Variants in MORC4 observed in about 807,000 individuals in gnomAD.
The protein encoded by MORC4 is MORC family CW-type zinc finger protein 4.
A neutral mutation model predicts 65.5 loss-of-function variants in MORC4; 22 were observed. That is an observed-to-expected ratio of 0.34 (90% CI 0.24 to 0.48). MORC4 has a LOEUF of 0.48. MORC4 is among the 20% of genes least tolerant of loss of function. MORC4 has a pLI of 0.99. For missense variants in MORC4, 624 were observed against 703.0 expected (o/e 0.89, Z 1.27); for synonymous variants, 267 against 255.8 (o/e 1.04, Z -0.42).
chrX:106,947,757 T>C (rs993959509), intron 14 of MORC4, among the ~76,000 whole-genome samples: 1 of 105,116 alleles, frequency 9.5e-6, no homozygotes, highest in African/African-American at 3.5e-5. Context: ...TTCATAATGA[T>C]AAAGTCCATC....
At chrX:106,974,775 T>C (rs148888257) in intron 9 of MORC4, among the ~76,000 whole-genome samples, 169 of 111,776 alleles carry the variant, frequency 1.5e-3, no homozygotes, top group African/African-American at 5.2e-3. Context: ...AGGATGAGTT[T>C]GTTATAGCAG....
intron 14 of MORC4, among the ~76,000 whole-genome samples, chrX:106,951,925 G>A (rs1933978368): frequency 1.0e-5 from 1 of 100,081 alleles, no homozygotes; most frequent in South Asian, 5.1e-4. Flanking sequence ...GAACTCGGGA[G>A]GTGGAGGTTG....
rs369317620 is a variant in MORC4, at chrX:106,973,825, A to T, written c.1157+2759T>A. On this transcript the variant is annotated intron_variant, in intron 9 of 16. Transcript: ENST00000355610. ...TGGCAGCCTCTATAAGCTGGAAAAG[A>T]CAGGAAAATGGATTATTCCCTAGAG... is the stretch of plus-strand genomic sequence containing the variant. Among the ~76,000 whole-genome samples, 40 of 111,744 alleles carry T rather than the reference A, an allele frequency of 3.6e-4. 2 individuals carry two copies. The highest frequency in any genetic ancestry group is 2.5e-3 in the Admixed American group (26 of 10,516).
At chrX:106,965,008 C>CA (rs35150290) in intron 9 of MORC4, among the ~76,000 whole-genome samples, 125 of 75,045 alleles carry the variant, frequency 1.7e-3, no homozygotes, top group Admixed American at 2.5e-3. Context: ...AACTCCATGT[C>CA]AAAAAAAAAA....
At chrX:106,964,632 G>A (rs953416763) in intron 9 of MORC4, among the ~76,000 whole-genome samples, 1 of 111,732 alleles carries the variant, frequency 8.9e-6, no homozygotes, top group African/African-American at 3.3e-5. Flanking sequence ...CACCAAGAGA[G>A]AAACAACATA....
intron 10 of MORC4, among the ~76,000 whole-genome samples, chrX:106,960,625 G>C (rs1055239562): frequency 8.9e-6 from 1 of 112,066 alleles, no homozygotes; most frequent in Admixed American, 9.5e-5. Flanking sequence ...ACTTAGAACA[G>C]TGCCTGACAT....
Position 106,980,877 on chromosome X carries a change from A to C in MORC4, c.936+14T>G. The stretch of plus-strand genomic sequence containing the variant: ...AGAGGTCAACTTCATGTAGTGGTAC[A>C]CTTGTAAGGATACTGTGAAGGTAGG... On this transcript the variant is annotated intron_variant, in intron 7 of 16. Transcript: ENST00000355610. 2 of 1,199,213 alleles carry C rather than the reference A, an allele frequency of 1.7e-6. No homozygotes were observed. The highest frequency in any genetic ancestry group is 3.5e-5 in the African/African-American group (2 of 57,594).
intron 10 of MORC4, among the ~76,000 whole-genome samples, chrX:106,961,429 T>C (rs1934240596): frequency 8.9e-6 from 1 of 112,247 alleles, no homozygotes; most frequent in Admixed American, 9.4e-5. Context: ...AAGCAATTAG[T>C]ACCTGTGAGT....
intron 10 of MORC4, among the ~76,000 whole-genome samples, chrX:106,959,607 A>G (rs1386702948): frequency 9.0e-6 from 1 of 111,383 alleles, no homozygotes; most frequent in East Asian, 2.8e-4. Context: ...GCACAATTTC[A>G]GTTCACTACA....
intron 9 of MORC4, among the ~76,000 whole-genome samples, chrX:106,974,151 G>C (rs1361286140): frequency 2.7e-5 from 3 of 111,648 alleles, no homozygotes; most frequent in African/African-American, 9.8e-5. Flanking sequence ...CAGCAAACTG[G>C]AGCCAAATCC....
chrX:106,944,841 T>A (rs889496529), intron 14 of MORC4, among the ~76,000 whole-genome samples: 5 of 111,568 alleles, frequency 4.5e-5, no homozygotes, highest in African/African-American at 1.6e-4. Flanking sequence ...AAGTTCAAGC[T>A]CCCACTACCT....
intron 14 of MORC4, among the ~76,000 whole-genome samples, chrX:106,945,148 TG>T (rs750490067): frequency 1.8e-5 from 2 of 111,258 alleles, no homozygotes; most frequent in East Asian, 5.7e-4. Flanking sequence ...ATGAGGCAGG[TG>T]GGATTATTAT....
At chrX:106,992,253 C>T (rs1157123306) in intron 3 of MORC4, among the ~76,000 whole-genome samples, 1 of 112,334 alleles carries the variant, frequency 8.9e-6, no homozygotes, top group African/African-American at 3.2e-5. Context: ...AAAGGGATTT[C>T]CCTACAAACA....
rs138934200 is a variant in MORC4 at position 106,978,000 on chromosome X, G to A, written c.1056+80C>T. ...TAAGATGGGAGTAAAAGCCATTAATGAGCCTATCCCCTTTGCAAATTTTAA... is the reference window on the plus strand; with the variant it reads ...TAAGATGGGAGTAAAAGCCATTAATAAGCCTATCCCCTTTGCAAATTTTAA... On this transcript the variant is annotated intron_variant, in intron 8 of 16. Coordinates refer to ENST00000355610, the MANE Select transcript of MORC4 (RefSeq NM_024657.5). 1.2e-4 allele frequency: 124 copies of A among 1,051,015 alleles called. 1 individual carries two copies. In the East Asian group the frequency reaches 3.9e-3, roughly 33 times the overall value. The allele number at this position is 1,051,015 out of a possible 1,213,427, so 86.6% of individuals were successfully genotyped here.
chrX:106,963,129 C>G (rs1408692604), intron 9 of MORC4, among the ~76,000 whole-genome samples: 2 of 111,863 alleles, frequency 1.8e-5, no homozygotes, highest in Non-Finnish European at 3.8e-5. Flanking sequence ...ATATCCTTCC[C>G]TCAAGTCACA....
At position 106,941,602 on chromosome X, in the gene MORC4, G is replaced by A; in HGVS notation, c.2691C>T (p.Ile897=). Residue 897 remains isoleucine, a synonymous_variant, in exon 17 of 17, where the codon ATC becomes ATT. Coordinates refer to ENST00000355610, the MANE Select transcript of MORC4 (RefSeq NM_024657.5). Reference sequence around the variant, plus strand: ...CAGAAGTAAGGAGATAGCTGACGTGGATACGTAGCCGCGTAAGCTTTGCCA... The same window carrying A: ...CAGAAGTAAGGAGATAGCTGACGTGAATACGTAGCCGCGTAAGCTTTGCCA... ...RALAKLTRLR[I]HVSYLLTSVL... is the part of the protein sequence containing the mutation. 8.3e-7 allele frequency: 1 copy of A among 1,210,707 alleles called. No individual in the cohort carries two copies. The highest frequency in any genetic ancestry group is 1.1e-6 in the Non-Finnish European group (1 of 894,754).
chrX:106,949,021 A>G (rs1042995256), intron 14 of MORC4, among the ~76,000 whole-genome samples: 1 of 111,133 alleles, frequency 9.0e-6, no homozygotes, highest in African/African-American at 3.3e-5. Context: ...TTTTCTCTCT[A>G]TTCTTCTATT....
Position 106,941,783 on chromosome X carries a change from G to C in MORC4, c.2661-151C>G, listed in dbSNP as rs1933689525. 5.1e-5 allele frequency: 41 copies of C among 801,583 alleles called. No individual in the cohort carries two copies. The East Asian group carries it at 1.3e-3, about 26-fold the overall frequency. The allele number at this position is 801,583 out of a possible 1,213,427, so 66.1% of individuals were successfully genotyped here. On this transcript the variant is annotated intron_variant, in intron 16 of 16. Transcript: ENST00000355610. ...AGAAAGCACAACGCCACCAAGCACA[G>C]GGAGACTGGCTGCAGCTTTCTAAGA... is the stretch of plus-strand genomic sequence containing the variant.
intron 14 of MORC4, among the ~76,000 whole-genome samples, chrX:106,945,727 A>C (rs775868839): frequency 9.0e-6 from 1 of 111,515 alleles, no homozygotes; most frequent in Non-Finnish European, 1.9e-5. Context: ...TTTATATACT[A>C]GAAATTCTCC....
Sources: allele counts gnomAD v4.1 joint callset (sites outside exome capture counted in the v4.1 genomes callset), GRCh38; gene constraint gnomAD v4.1.1; transcripts MANE v1.5; gene names NCBI Gene and HGNC (gene_info 2026-07-23, HGNC 2026-07-21).